PDSS1: variants seen among roughly 807,000 people sequenced by gnomAD.
PDSS1 encodes all trans-polyprenyl-diphosphate synthase PDSS1.
A neutral mutation model predicts 57.5 loss-of-function variants in PDSS1; 43 were observed. The ratio of observed to expected loss-of-function variants is 0.75; its 90% confidence interval spans 0.59 to 0.96. The LOEUF (loss-of-function observed/expected upper bound fraction) is 0.96, where lower values mean the gene tolerates loss of function less well. PDSS1 is among the 50% of genes least tolerant of loss of function. PDSS1 has a pLI of 0.00. For missense variants in PDSS1, 438 were observed against 527.8 expected, an observed-to-expected ratio of 0.83 and a Z score of 1.67; for synonymous variants, 175 against 191.3, an observed-to-expected ratio of 0.91 and a Z score of 0.70.
intron 5 of PDSS1, among the ~76,000 whole-genome samples, chr10:26,716,364 AT>A (rs1835578314): frequency 6.6e-6 from 1 of 152,074 alleles, no homozygotes; most frequent in Non-Finnish European, 1.5e-5. Flanking sequence ...ATATTATTCT[AT>A]CTATTTTTAG....
In PDSS1 at chr10:26,742,129, G is replaced by A. The variant is rs922212018; in HGVS notation, c.1027-368G>A. Among the ~76,000 whole-genome samples the A allele has an allele frequency of 5.9e-5, 9 of 152,054 alleles. No homozygotes were observed. The South Asian group carries it at 1.5e-3, about 25-fold the overall frequency. On this transcript the variant is annotated intron_variant, in intron 10 of 11. Coordinates refer to ENST00000376215, the MANE Select transcript of PDSS1 (RefSeq NM_014317.5). ...TGACCTCAGGTGATCCGCCCACCTC[G>A]GCCTCCCAGAGTGCTGGGATTACAG...
At chr10:26,706,311 A>G (rs546710515) in intron 4 of PDSS1, among the ~76,000 whole-genome samples, 5 of 152,326 alleles carry the variant, frequency 3.3e-5, no homozygotes, top group East Asian at 1.9e-4. Context: ...GATCACACCT[A>G]TAATCCTAGC....
chr10:26,715,205 C>G (rs1310928892), intron 5 of PDSS1: 1 of 152,154 alleles, frequency 6.6e-6, no homozygotes, highest in Non-Finnish European at 1.5e-5. Context: ...GAAGTACATT[C>G]TACAGTAAGG....
intron 11 of PDSS1, among the ~76,000 whole-genome samples, chr10:26,743,901 GA>G (rs796100702): frequency 3.5e-4 from 52 of 147,848 alleles, no homozygotes; most frequent in South Asian, 1.5e-3. Context: ...ATAACAGGGG[GA>G]AAAAAAAACA....
chr10:26,697,736 C>T lies in PDSS1; in HGVS notation c.25C>T (p.Arg9Trp), dbSNP rs1349573336. 5.4e-6 allele frequency: 7 copies of T among 1,295,994 alleles called. No individual in the cohort carries two copies. Among genetic ancestry groups the T allele is most frequent in the Non-Finnish European group, 5.8e-6 (6 of 1,026,240 alleles). The allele number at this position is 1,295,994 out of a possible 1,614,324, so 80.3% of individuals were successfully genotyped here. ...CATGGCCTCGCGCTGGTGGCGGTGG[C>T]GGCGCGGCTGCTCCTGGAAGCCGGC... is the stretch of plus-strand genomic sequence containing the variant. Reference protein sequence around the residue: MASRWWRWRRGCSWKPAAR... With the variant: MASRWWRWWRGCSWKPAAR... Residue 9 changes from arginine (R) to tryptophan (W), a missense_variant, in exon 1 of 12, where the codon CGG (arginine) becomes TGG (tryptophan). Around this residue, in one of 2 missense-constraint regions of PDSS1, gnomAD observed 154 missense variants for 137.0 expected, o/e 1.12. Transcript: ENST00000376215.
intron 2 of PDSS1, among the ~76,000 whole-genome samples, chr10:26,704,168 A>G (rs555536254): frequency 1.3e-5 from 2 of 151,842 alleles, no homozygotes; most frequent in South Asian, 4.2e-4. Context: ...GAAGGAATAA[A>G]ACAAAACACC....
At chr10:26,744,974 G>C (rs750923854) in intron 11 of PDSS1, among the ~76,000 whole-genome samples, 7 of 151,624 alleles carry the variant, frequency 4.6e-5, no homozygotes, top group Non-Finnish European at 7.4e-5. Context: ...GACCAGCCTG[G>C]CCAACATGGT....
intron 10 of PDSS1, among the ~76,000 whole-genome samples, chr10:26,740,156 A>G (rs1217219665): frequency 1.3e-5 from 2 of 151,780 alleles, no homozygotes; most frequent in Non-Finnish European, 2.9e-5. Flanking sequence ...AAAAAAAAAA[A>G]AAATTAAAAA....
intron 11 of PDSS1, among the ~76,000 whole-genome samples, chr10:26,745,076 A>G (rs755195977): frequency 2.0e-5 from 3 of 151,950 alleles, no homozygotes; most frequent in Admixed American, 6.6e-5. Context: ...AGGCACGAGA[A>G]TCCCTTGAGC....
chr10:26,728,421 C>T (rs372816849), intron 8 of PDSS1, among the ~76,000 whole-genome samples: 2 of 151,758 alleles, frequency 1.3e-5, no homozygotes, highest in East Asian at 1.9e-4. Flanking sequence ...ATCCGGGAGG[C>T]GGAGGTTGCA....
At position 26,705,349 on chromosome 10, in the gene PDSS1, A is replaced by G. The variant is rs754552333; in HGVS notation, c.291A>G (p.Lys97=). 6.2e-7 allele frequency: 1 copy of G among 1,612,118 alleles called. No homozygotes were observed. Among genetic ancestry groups the G allele is most frequent in the Non-Finnish European group, 8.5e-7 (1 of 1,178,586 alleles). ...GTGAAAAATACACCGATCCTTTCAA[A>G]CTCGGTTGGAGAGACTTGAAAGGTC... is the stretch of plus-strand genomic sequence containing the variant. ...HSGEKYTDPF[K]LGWRDLKGLY... is the part of the protein sequence containing the mutation. The change falls in exon 4 of 12, where the codon AAA becomes AAG. Residue 97 remains lysine, a synonymous_variant. Coordinates refer to ENST00000376215, the MANE Select transcript of PDSS1 (RefSeq NM_014317.5).
At chr10:26,736,281 T>C (rs543642645) in intron 10 of PDSS1, among the ~76,000 whole-genome samples, 1 of 152,386 alleles carries the variant, frequency 6.6e-6, no homozygotes, top group East Asian at 1.9e-4. Context: ...CTGTACTGAA[T>C]GTTACTTGAA....
intron 8 of PDSS1, among the ~76,000 whole-genome samples, chr10:26,732,970 G>T (rs548274643): frequency 6.6e-6 from 1 of 152,132 alleles, no homozygotes; most frequent in Non-Finnish European, 1.5e-5. Flanking sequence ...TTAGCTGGGC[G>T]TGGTGGCATA....
Position 26,697,784 on chromosome 10 carries a change from TC to T in PDSS1, c.78del (p.Gly27AlafsTer35), listed in dbSNP as rs1433941894. The T allele has an allele frequency of 8.4e-6, 11 of 1,302,412 alleles. No homozygotes were observed. The South Asian group carries it at 9.4e-5, about 11-fold the overall frequency. The allele number at this position is 1,302,412 out of a possible 1,614,324, so 80.7% of individuals were successfully genotyped here. On this transcript the variant is annotated frameshift_variant, in exon 1 of 12. Coordinates refer to ENST00000376215, the MANE Select transcript of PDSS1 (RefSeq NM_014317.5). LOFTEE classifies it high-confidence loss of function. Reference sequence around the variant, plus strand: ...GGCGGCGCGGAGCCCCGGGCCCGGCTCCCCCGGCCGTGCGGGACCGTTGGGG... The same window carrying T: ...GGCGGCGCGGAGCCCCGGGCCCGGCTCCCCGGCCGTGCGGGACCGTTGGGG... ...KPAARSPGPG[S>X]PGRAGPLGPS...
At chr10:26,701,891 T>TG (rs1835062221) in intron 1 of PDSS1, 1 of 453,928 alleles carries the variant, frequency 2.2e-6, no homozygotes, top group African/African-American at 2.0e-5. Context: ...AGAATAGCAG[T>TG]GGGGGTTGAA....
In PDSS1 at chr10:26,699,459, A is replaced by G. The variant is rs537128663; in HGVS notation, c.129+1619A>G. Among the ~76,000 whole-genome samples, 218 of 151,176 alleles carry G rather than the reference A, an allele frequency of 1.4e-3. 1 individual carries two copies. The highest frequency in any genetic ancestry group is 4.7e-3 in the African/African-American group (193 of 41,128). ...GCCCAGGCTGGAGTGCAGTGGCGGAATCTCGGCTCACTGCAAACTCCACCT... is the reference window on the plus strand; with the variant it reads ...GCCCAGGCTGGAGTGCAGTGGCGGAGTCTCGGCTCACTGCAAACTCCACCT... On this transcript the variant is annotated intron_variant, in intron 1 of 11. Coordinates refer to ENST00000376215, the MANE Select transcript of PDSS1 (RefSeq NM_014317.5).
chr10:26,712,967 G>GTT (rs1163568548), intron 5 of PDSS1, among the ~76,000 whole-genome samples: 1 of 85,194 alleles, frequency 1.2e-5, no homozygotes, highest in African/African-American at 3.7e-5. Flanking sequence ...TTGTTTTTTT[G>GTT]TTTTTTTTTT....
chr10:26,732,726 C>T (rs913556014), intron 8 of PDSS1, among the ~76,000 whole-genome samples: 3 of 152,200 alleles, frequency 2.0e-5, no homozygotes, highest in African/African-American at 7.2e-5. Flanking sequence ...CATCACCAAC[C>T]ACATAATCCA....
At chr10:26,721,522 G>A (rs936541556) in intron 6 of PDSS1, among the ~76,000 whole-genome samples, 11 of 151,778 alleles carry the variant, frequency 7.2e-5, no homozygotes, top group Non-Finnish European at 1.5e-4. Flanking sequence ...TTTTGAAATC[G>A]AGTCTTGCAA....
Sources: gnomAD v4.1 joint callset for allele counts (sites outside exome capture counted in the v4.1 genomes callset) on GRCh38, gnomAD v4.1.1 for gene constraint, gnomAD v4.1.1 regional missense constraint, MANE v1.5 for transcripts, NCBI Gene and HGNC (gene_info 2026-07-23, HGNC 2026-07-21) for gene names.